The following LDB2 variants were observed in gnomAD, a reference collection of about 807,000 sequenced individuals.
LDB2 encodes LIM domain binding 2.
Under a neutral mutation model 44.3 loss-of-function variants are expected in LDB2, and 12 were observed. The observed-to-expected ratio is 0.27, with a 90% CI of 0.17 to 0.44. The LOEUF (loss-of-function observed/expected upper bound fraction) is 0.44, where lower values mean the gene tolerates loss of function less well. LDB2 is among the 20% of genes least tolerant of loss of function. The pLI is 1.00. For missense variants in LDB2, 344 were observed against 473.5 expected (o/e 0.73, Z 2.54); for synonymous variants, 164 against 174.8 (o/e 0.94, Z 0.49).
In LDB2 at chr4:16,582,499, T is replaced by G. The variant is rs2152420325; in HGVS notation, c.615+3423A>C. 6.6e-6 allele frequency among the ~76,000 whole-genome samples: 1 copy of G among 152,322 alleles called. No homozygotes were observed. The highest frequency in any genetic ancestry group is 2.1e-4 in the South Asian group (1 of 4,818). ...GCTTCTCCCATTCTAGTGCTCAAGT[T>G]CCAGCACCAGAGAGTGCTGCTTACT... On this transcript the variant is annotated intron_variant, in intron 5 of 7. Transcript: ENST00000304523. This position sits in a 1 kb window ranked among gnomAD's most constrained non-coding sequence, Gnocchi z 4.8.
At chr4:16,836,174 GAACC>G (rs1218504917) in intron 1 of LDB2, among the ~76,000 whole-genome samples, 1 of 152,174 alleles carries the variant, frequency 6.6e-6, no homozygotes, top group Non-Finnish European at 1.5e-5. Flanking sequence ...TCCATGGTGT[GAACC>G]AAAGGTTGGT....
intron 2 of LDB2, among the ~76,000 whole-genome samples, chr4:16,620,541 G>A (rs975801669): frequency 1.3e-5 from 2 of 152,138 alleles, no homozygotes; most frequent in Non-Finnish European, 2.9e-5. Context: ...CTCTGTGGAC[G>A]AATTCCCATT....
intron 2 of LDB2, among the ~76,000 whole-genome samples, chr4:16,741,004 A>G (rs891143268): frequency 1.3e-5 from 2 of 152,238 alleles, no homozygotes; most frequent in Non-Finnish European, 2.9e-5. Flanking sequence ...TGTGGAAAAA[A>G]ATGCATTCAC....
chr4:16,828,640 G>A (rs1783496630), intron 1 of LDB2, among the ~76,000 whole-genome samples: 1 of 152,116 alleles, frequency 6.6e-6, no homozygotes, highest in Non-Finnish European at 1.5e-5. Context: ...GATATTGGGA[G>A]ATAGTATAGT....
chr4:16,571,749 A>G (rs1301916400), intron 5 of LDB2, among the ~76,000 whole-genome samples: 1 of 152,212 alleles, frequency 6.6e-6, no homozygotes, highest in African/African-American at 2.4e-5. Flanking sequence ...ACTCCAAGAT[A>G]CTAGTTCACT....
At chr4:16,609,674 G>A (rs896703432) in intron 2 of LDB2, among the ~76,000 whole-genome samples, 1 of 152,182 alleles carries the variant, frequency 6.6e-6, no homozygotes, top group Non-Finnish European at 1.5e-5. Context: ...ACTCCAGCCA[G>A]AGGCTCAGGG....
intron 2 of LDB2, among the ~76,000 whole-genome samples, chr4:16,660,801 G>A (rs1741363095): frequency 6.6e-6 from 1 of 152,156 alleles, no homozygotes; most frequent in African/African-American, 2.4e-5. Flanking sequence ...GAAGGACACT[G>A]TAAGATTAGG....
chr4:16,743,033 T>C (rs879888483), intron 2 of LDB2, among the ~76,000 whole-genome samples: 2 of 152,140 alleles, frequency 1.3e-5, no homozygotes, highest in Non-Finnish European at 2.9e-5. Flanking sequence ...CTCACACCTG[T>C]AATCCCAGCA....
intron 7 of LDB2, among the ~76,000 whole-genome samples, chr4:16,503,570 C>CTGAT (rs1718150187): frequency 1.3e-5 from 2 of 152,338 alleles, no homozygotes; most frequent in African/African-American, 2.4e-5. Flanking sequence ...CAAAAACCTG[C>CTGAT]TGATTGCCAA....
intron 2 of LDB2, among the ~76,000 whole-genome samples, chr4:16,610,627 C>T (rs1725350017): frequency 6.6e-6 from 1 of 151,650 alleles, no homozygotes; most frequent in East Asian, 1.9e-4. Flanking sequence ...TTGGAGACCA[C>T]CTTACTGAAA....
intron 2 of LDB2, among the ~76,000 whole-genome samples, chr4:16,645,529 G>A (rs1266839251): frequency 1.1e-4 from 13 of 123,434 alleles, no homozygotes; most frequent in African/African-American, 4.0e-4. Context: ...GGGCGACAGA[G>A]CGAGACTCCG....
At chr4:16,843,911 C>T (rs899588610) in intron 1 of LDB2, among the ~76,000 whole-genome samples, 1 of 152,004 alleles carries the variant, frequency 6.6e-6, no homozygotes, top group South Asian at 2.1e-4. Context: ...AGCTGCCACG[C>T]CCAGCAAATT....
rs1284166327 is a variant in LDB2, at chr4:16,561,279, T to C, written c.615+24643A>G. ...ATTAGGAAAAGAGGAAGTCAAATTGTCCCTGTTTGCAGATGACGTGATTGT... is the reference window on the plus strand; with the variant it reads ...ATTAGGAAAAGAGGAAGTCAAATTGCCCCTGTTTGCAGATGACGTGATTGT... On this transcript the variant is annotated intron_variant, in intron 5 of 7. Transcript: ENST00000304523. Among the ~76,000 whole-genome samples, 6 of 152,278 alleles carry C rather than the reference T, an allele frequency of 3.9e-5. No individual in the cohort carries two copies. The East Asian group carries it at 7.7e-4, about 20-fold the overall frequency.
At chr4:16,703,630 A>C (rs1473425422) in intron 2 of LDB2, among the ~76,000 whole-genome samples, 1 of 152,228 alleles carries the variant, frequency 6.6e-6, no homozygotes, top group Admixed American at 6.5e-5. Context: ...AGCAGACCTT[A>C]GAGTTATTCA....
At position 16,891,361 on chromosome 4, in the gene LDB2, G is replaced by A. The variant is rs1462163528; in HGVS notation, c.132+6993C>T. Among the ~76,000 whole-genome samples the A allele has an allele frequency of 3.6e-5, 5 of 139,788 alleles. No homozygotes were observed. In the South Asian group the frequency reaches 1.1e-3, roughly 31 times the overall value. 91.7% of individuals were successfully genotyped at this position (139,788 alleles called of 152,430 possible). ...GGAGTCTCACTCTGTCGCCCAGGGT[G>A]GAGTGCAGTGGGACAATCTCGGCTC... On this transcript the variant is annotated intron_variant, in intron 1 of 7. Transcript: ENST00000304523.
At chr4:16,614,669 G>A (rs962492627) in intron 2 of LDB2, among the ~76,000 whole-genome samples, 14 of 150,326 alleles carry the variant, frequency 9.3e-5, no homozygotes, top group East Asian at 3.9e-4. Context: ...AGATATTTAC[G>A]TACCAACAAA....
rs1717786800 is a variant in LDB2, at chr4:16,502,541, G to GAAAAGTTTTTATCTCTTCTGTT, written c.*80_*101dup. On this transcript the variant is annotated 3_prime_UTR_variant, in exon 8 of 8. Coordinates refer to ENST00000304523, the MANE Select transcript of LDB2 (RefSeq NM_001290.5). ...TGGTTTAGAAATAGATATTTGCATG[G>GAAAAGTTTTTATCTCTTCTGTT]AAAAGTTTTTATCTCTTCTGTTTCC... is the stretch of plus-strand genomic sequence containing the variant. 6.9e-6 allele frequency: 10 copies of GAAAAGTTTTTATCTCTTCTGTT among 1,445,526 alleles called. No homozygotes were observed. In the Admixed American group the frequency reaches 1.4e-4, roughly 20 times the overall value. 89.5% of individuals were successfully genotyped at this position (1,445,526 alleles called of 1,614,324 possible). A position where few individuals can be genotyped will look rare whatever the true frequency, so the allele number is the denominator to read the frequency against.
intron 5 of LDB2, among the ~76,000 whole-genome samples, chr4:16,567,856 CT>C (rs1014707922): frequency 9.9e-5 from 15 of 152,108 alleles, no homozygotes; most frequent in Middle Eastern, 3.4e-3. Flanking sequence ...AGTACAAATA[CT>C]TTTTTTTAAC....
At chr4:16,580,691 A>G (rs1714029937) in intron 5 of LDB2, among the ~76,000 whole-genome samples, 1 of 152,114 alleles carries the variant, frequency 6.6e-6, no homozygotes, top group Admixed American at 6.5e-5. Context: ...TGCCATTCCT[A>G]CTGTTTCTTG....
Sources: gnomAD v4.1 joint callset for allele counts (sites outside exome capture counted in the v4.1 genomes callset) on GRCh38, gnomAD v4.1.1 for gene constraint, Gnocchi (gnomAD v3.1) non-coding constraint, MANE v1.5 for transcripts, NCBI Gene and HGNC (gene_info 2026-07-23, HGNC 2026-07-21) for gene names.